The following HHAT variants were observed in gnomAD, a reference collection of about 807,000 sequenced individuals.
The protein encoded by HHAT is hedgehog acyltransferase.
In HHAT, 47 loss-of-function variants were observed where a neutral mutation model predicts 70.8. That is an observed-to-expected ratio of 0.66 (90% CI 0.53 to 0.85). The LOEUF (loss-of-function observed/expected upper bound fraction) is 0.85, where lower values mean the gene tolerates loss of function less well. Ranked by LOEUF, HHAT falls within the 40% of genes least tolerant of loss-of-function variation. The probability of loss-of-function intolerance (pLI) is 0.00; values close to 1 mark genes in which losing one functional copy is unlikely to be tolerated. For missense variants in HHAT, 609 were observed against 604.8 expected (o/e 1.01, Z -0.07); for synonymous variants, 228 against 247.6 (o/e 0.92, Z 0.74).
intron 2 of HHAT, among the ~76,000 whole-genome samples, chr1:210,355,726 T>TA (rs2087541867): frequency 1.3e-5 from 2 of 152,174 alleles, no homozygotes; most frequent in Admixed American, 1.3e-4. Flanking sequence ...GATTCCATTT[T>TA]AAAAAATATT....
rs76760432 is a variant in HHAT, at chr1:210,616,846, T to G, written c.1246-6680T>G. On this transcript the variant is annotated intron_variant, in intron 10 of 11. Coordinates refer to ENST00000261458, the MANE Select transcript of HHAT (RefSeq NM_018194.6). The stretch of plus-strand genomic sequence containing the variant: ...AAATATGAATAGTTTTTACCTACTT[T>G]ACAGTATAAGTAAAGCTGCTCACAC... Among the ~76,000 whole-genome samples, 610 of 152,338 alleles carry G rather than the reference T, an allele frequency of 4.0e-3. 1 individual carries two copies. Among genetic ancestry groups the G allele is most frequent in the Admixed American group, 7.3e-3 (112 of 15,302 alleles).
At chr1:210,487,612 G>C (rs530917279) in intron 8 of HHAT, among the ~76,000 whole-genome samples, 8 of 152,298 alleles carry the variant, frequency 5.3e-5, no homozygotes, top group African/African-American at 1.7e-4. Flanking sequence ...AGAGATGCTG[G>C]TGAAGGGGTT....
rs371339259 is a variant in HHAT, at chr1:210,634,317, G to A, written c.1390+10647G>A. On this transcript the variant is annotated intron_variant, in intron 11 of 11. Coordinates refer to ENST00000261458, the MANE Select transcript of HHAT (RefSeq NM_018194.6). ...GACAAGGGAATGTGGATTTTTGCTGGGTAAACCTGATTTCCGTTTTTCCCC... is the reference window on the plus strand; with the variant it reads ...GACAAGGGAATGTGGATTTTTGCTGAGTAAACCTGATTTCCGTTTTTCCCC... Among the ~76,000 whole-genome samples, 5 of 152,120 alleles carry A rather than the reference G, an allele frequency of 3.3e-5. No individual in the cohort carries two copies. In the South Asian group the frequency reaches 8.3e-4, roughly 25 times the overall value.
At chr1:210,419,049 T>G (rs2092813025) in intron 7 of HHAT, among the ~76,000 whole-genome samples, 1 of 151,956 alleles carries the variant, frequency 6.6e-6, no homozygotes, top group Admixed American at 6.6e-5. Context: ...AGAATGAGTT[T>G]CAGGATCACA....
At chr1:210,663,659 T>C (rs17188402) in intron 11 of HHAT, among the ~76,000 whole-genome samples, 2,166 of 152,284 alleles carry the variant, frequency 0.014, 28 homozygotes, top group Non-Finnish European at 0.02. Context: ...TAGAATGCCC[T>C]TCCCCCTGCA....
chr1:210,525,040 A>G (rs895748857), intron 9 of HHAT, among the ~76,000 whole-genome samples: 5 of 152,030 alleles, frequency 3.3e-5, no homozygotes, highest in Admixed American at 2.6e-4. Flanking sequence ...AGAGGTTTGC[A>G]GTTTTCCCAG....
At chr1:210,552,453 T>A (rs2095535396) in intron 9 of HHAT, among the ~76,000 whole-genome samples, 1 of 152,198 alleles carries the variant, frequency 6.6e-6, no homozygotes, top group African/African-American at 2.4e-5. Context: ...GATGGAAATT[T>A]GTGAACAGGT....
chr1:210,374,242 T>TC (rs760733257), intron 3 of HHAT: 1 of 148,294 alleles, frequency 6.7e-6, no homozygotes, highest in Admixed American at 6.7e-5. Flanking sequence ...GCGAAAGATT[T>TC]ATTCGATCTG....
At chr1:210,497,170 T>A (rs988777609) in intron 8 of HHAT, among the ~76,000 whole-genome samples, 7 of 152,210 alleles carry the variant, frequency 4.6e-5, no homozygotes, top group African/African-American at 1.7e-4. Context: ...ATAGGGATTA[T>A]TAGAAACATA....
intron 11 of HHAT, among the ~76,000 whole-genome samples, chr1:210,666,526 A>G (rs2148972607): frequency 6.6e-6 from 1 of 152,222 alleles, no homozygotes; most frequent in Admixed American, 6.5e-5. Flanking sequence ...TCTGTTGCCC[A>G]GGCTAGAGGT....
chr1:210,625,555 G>T (rs1669684491), intron 11 of HHAT, among the ~76,000 whole-genome samples: 1 of 152,222 alleles, frequency 6.6e-6, no homozygotes, highest in Non-Finnish European at 1.5e-5. Flanking sequence ...ACAGGATAGA[G>T]TAGCTGACTT....
intron 8 of HHAT, among the ~76,000 whole-genome samples, chr1:210,475,865 T>TAAA (rs57833835): frequency 5.3e-5 from 8 of 151,624 alleles, no homozygotes; most frequent in Admixed American, 2.0e-4. Context: ...TTGTTTTAGT[T>TAAA]AAAAAAAAAT....
rs775488908 is a variant in HHAT, at chr1:210,563,947, T to TTTTG, written c.1044-23931_1044-23928dup. On this transcript the variant is annotated intron_variant, in intron 9 of 11. Coordinates refer to ENST00000261458, the MANE Select transcript of HHAT (RefSeq NM_018194.6). ...GATAGATGAACTCATACTACATTGT[T>TTTTG]TTTGTTTGTTTGTTTGTTTGTTTTG... Among the ~76,000 whole-genome samples, 139 of 152,024 alleles carry TTTTG rather than the reference T, an allele frequency of 9.1e-4. 1 individual carries two copies. Among genetic ancestry groups the TTTTG allele is most frequent in the African/African-American group, 1.7e-3 (72 of 41,458 alleles).
intron 1 of HHAT, among the ~76,000 whole-genome samples, chr1:210,336,310 T>TTTTTTTTTTTTTTTTTTTTTTTTTTG (rs2085492279): frequency 7.4e-6 from 1 of 134,338 alleles, no homozygotes; most frequent in Non-Finnish European, 1.6e-5. Flanking sequence ...TTTTTTTTTT[T>TTTTTTTTTTTTTTTTTTTTTTTTTTG]AGAGACAGGG....
chr1:210,644,942 A>G (rs1222520477), intron 11 of HHAT, among the ~76,000 whole-genome samples: 1 of 152,180 alleles, frequency 6.6e-6, no homozygotes, highest in Non-Finnish European at 1.5e-5. Context: ...CTTACTGCGC[A>G]TGGCCGTGTC....
At chr1:210,506,065 C>T (rs931032706) in intron 8 of HHAT, among the ~76,000 whole-genome samples, 17 of 152,140 alleles carry the variant, frequency 1.1e-4, no homozygotes, top group African/African-American at 3.6e-4. Context: ...CCTCCTCCGT[C>T]AAAGAAGCAG....
intron 11 of HHAT, among the ~76,000 whole-genome samples, chr1:210,669,659 TCA>T (rs1412338423): frequency 6.6e-6 from 1 of 152,264 alleles, no homozygotes; most frequent in Non-Finnish European, 1.5e-5. Flanking sequence ...TAAAAACTGA[TCA>T]CCTGTTTAGA....
chr1:210,528,888 C>G (rs1212053223), intron 9 of HHAT, among the ~76,000 whole-genome samples: 1 of 152,168 alleles, frequency 6.6e-6, no homozygotes, highest in African/African-American at 2.4e-5. Flanking sequence ...TCCCCACGTG[C>G]TCATACGAAT....
chr1:210,493,235 C>CCT (rs2094578484), intron 8 of HHAT, among the ~76,000 whole-genome samples: 1 of 152,010 alleles, frequency 6.6e-6, no homozygotes. Flanking sequence ...GTTGCACTCA[C>CCT]ATGTATGTAT....
Sources: gnomAD v4.1 joint callset for allele counts (sites outside exome capture counted in the v4.1 genomes callset) on GRCh38, gnomAD v4.1.1 for gene constraint, MANE v1.5 for transcripts, NCBI Gene and HGNC (gene_info 2026-07-23, HGNC 2026-07-21) for gene names.